Variants in RPRD1B observed in about 807,000 individuals in gnomAD.
RPRD1B encodes the protein regulation of nuclear pre-mRNA domain-containing protein 1B.
Under a neutral mutation model 41.5 loss-of-function variants are expected in RPRD1B, and 11 were observed. The ratio of observed to expected loss-of-function variants is 0.27; its 90% CI spans 0.17 to 0.44. The LOEUF is 0.44. Ranked by LOEUF, RPRD1B falls within the 20% of genes least tolerant of loss-of-function variation. The pLI, the probability that RPRD1B is intolerant of heterozygous loss-of-function variation, is 1.00. For synonymous variants in RPRD1B, 158 were observed against 155.6 expected, an observed-to-expected ratio of 1.02 and a Z score of -0.12; for missense variants, 248 against 389.9, an observed-to-expected ratio of 0.64 and a Z score of 3.06.
intron 1 of RPRD1B, among the ~76,000 whole-genome samples, chr20:38,035,507 T>C (rs879633469): frequency 3.9e-5 from 6 of 152,232 alleles, no homozygotes; most frequent in Non-Finnish European, 8.8e-5. Flanking sequence ...ATGATTTTTT[T>C]CAGGAGACCC....
At chr20:38,055,404 T>C (rs2074229227) in intron 3 of RPRD1B, among the ~76,000 whole-genome samples, 1 of 152,244 alleles carries the variant, frequency 6.6e-6, no homozygotes, top group Non-Finnish European at 1.5e-5. Flanking sequence ...TTTTATCTTT[T>C]ATGCTTTCAG....
chr20:38,090,846 G>T lies in RPRD1B; in HGVS notation c.*971G>T. 3 of 985,450 alleles carry T rather than the reference G, an allele frequency of 3.0e-6. No individual in the cohort carries two copies. The highest frequency in any genetic ancestry group is 3.6e-6 in the Non-Finnish European group (3 of 829,964). 61.0% of individuals were successfully genotyped at this position (985,450 alleles called of 1,614,324 possible). On this transcript the variant is annotated 3_prime_UTR_variant, in exon 7 of 7. Coordinates refer to ENST00000373433, the MANE Select transcript of RPRD1B (RefSeq NM_021215.4). ...CTGGGTGCATGTCCACAGTACGGTG[G>T]CTAAACTCGAACATCACTGCAAATA...
rs2074607926 is a variant in RPRD1B, at chr20:38,091,048, CTATA to C, written c.*1176_*1179del. ...ATTATCATGTCAGCTGACATTATGA[CTATA>C]TAATGTAGTTAGAGACAATTTTTAT... On this transcript the variant is annotated 3_prime_UTR_variant, in exon 7 of 7. Transcript: ENST00000373433. The C allele has an allele frequency of 1.0e-6, 1 of 982,654 alleles. No homozygotes were observed. Among genetic ancestry groups the C allele is most frequent in the Non-Finnish European group, 1.2e-6 (1 of 827,222 alleles). The allele number at this position is 982,654 out of a possible 1,614,324, so 60.9% of individuals were successfully genotyped here. A position where few individuals can be genotyped will look rare whatever the true frequency, so the allele number is the denominator to read the frequency against.
chr20:38,091,467 A>C lies in RPRD1B; in HGVS notation c.*1592A>C. ...CCTAGTAGTGTTTGAGCTGTTATTC[A>C]GATTTGAATTCAGACTGTGTGTTGT... On this transcript the variant is annotated 3_prime_UTR_variant, in exon 7 of 7. Transcript: ENST00000373433. 1 of 985,458 alleles carries C rather than the reference A, an allele frequency of 1.0e-6. No individual in the cohort carries two copies. Among genetic ancestry groups the C allele is most frequent in the Non-Finnish European group, 1.2e-6 (1 of 829,942 alleles). The allele number at this position is 985,458 out of a possible 1,614,324, so 61.0% of individuals were successfully genotyped here.
At chr20:38,048,326 T>A (rs990870920) in intron 2 of RPRD1B, 22 bp from the exon 3 acceptor site, 3 of 1,605,544 alleles carry the variant, frequency 1.9e-6, no homozygotes. Context: ...CTTATATATA[T>A]CTTTTCATCT....
intron 3 of RPRD1B, among the ~76,000 whole-genome samples, chr20:38,055,717 G>A (rs963628273): frequency 2.0e-5 from 3 of 152,018 alleles, no homozygotes; most frequent in Non-Finnish European, 4.4e-5. Context: ...TCTTCTGATC[G>A]TTCATTTTTA....
intron 3 of RPRD1B, among the ~76,000 whole-genome samples, chr20:38,054,359 G>T (rs538017319): frequency 3.3e-5 from 5 of 152,176 alleles, no homozygotes; most frequent in Non-Finnish European, 7.3e-5. Context: ...ATAGGGTAAT[G>T]GTTAACACCT....
In RPRD1B at chr20:38,090,120, C is replaced by A; in HGVS notation, c.*245C>A. The A allele has an allele frequency of 8.3e-7, 1 of 1,211,414 alleles. No homozygotes were observed. The highest frequency in any genetic ancestry group is 3.9e-5 in the Admixed American group (1 of 25,824). 75.0% of individuals were successfully genotyped at this position (1,211,414 alleles called of 1,614,324 possible). On this transcript the variant is annotated 3_prime_UTR_variant, in exon 7 of 7. Transcript: ENST00000373433. ...AGACTACAGACTTTTTCTCCCACTTCATATTTTCATGCCCCCCTGTTGGTT... is the reference window on the plus strand; with the variant it reads ...AGACTACAGACTTTTTCTCCCACTTAATATTTTCATGCCCCCCTGTTGGTT...
intron 2 of RPRD1B, among the ~76,000 whole-genome samples, chr20:38,047,741 T>A (rs138560350): frequency 6.6e-6 from 1 of 152,160 alleles, no homozygotes; most frequent in Non-Finnish European, 1.5e-5. Context: ...TGATATAAAT[T>A]ATGAAGGACT....
chr20:38,091,746 C>T lies in RPRD1B; in HGVS notation c.*1871C>T, dbSNP rs1282075725. The T allele has an allele frequency of 1.0e-6, 1 of 985,546 alleles. No homozygotes were observed. The highest frequency in any genetic ancestry group is 1.2e-6 in the Non-Finnish European group (1 of 829,924). 61.1% of individuals were successfully genotyped at this position (985,546 alleles called of 1,614,324 possible). On this transcript the variant is annotated 3_prime_UTR_variant, in exon 7 of 7. Coordinates refer to ENST00000373433, the MANE Select transcript of RPRD1B (RefSeq NM_021215.4). ...GCGATCTGAGCAGCCACAATCCAGCCAAAAGAGGATCGTAGATATTTGCTC... is the reference window on the plus strand; with the variant it reads ...GCGATCTGAGCAGCCACAATCCAGCTAAAAGAGGATCGTAGATATTTGCTC...
intron 6 of RPRD1B, among the ~76,000 whole-genome samples, chr20:38,086,534 T>G (rs907110760): frequency 1.3e-5 from 2 of 152,330 alleles, no homozygotes; most frequent in East Asian, 3.9e-4. Flanking sequence ...AGACAGGGTC[T>G]CTATTTCCCA....
rs2074604254 is a variant in RPRD1B, at chr20:38,090,622, C to G, written c.*747C>G. On this transcript the variant is annotated 3_prime_UTR_variant, in exon 7 of 7. Coordinates refer to ENST00000373433, the MANE Select transcript of RPRD1B (RefSeq NM_021215.4). ...ACAACCTTCCCATGCTGCACTTCTC[C>G]ACTGTCGGAGCACGTTCCGAAAAAC... 1.0e-6 allele frequency: 1 copy of G among 985,362 alleles called. No individual in the cohort carries two copies. Among genetic ancestry groups the G allele is most frequent in the African/African-American group, 1.7e-5 (1 of 57,248 alleles). The allele number at this position is 985,362 out of a possible 1,614,324, so 61.0% of individuals were successfully genotyped here. A position where few individuals can be genotyped will look rare whatever the true frequency, so the allele number is the denominator to read the frequency against.
At chr20:38,050,016 G>A (rs2074169078) in intron 3 of RPRD1B, among the ~76,000 whole-genome samples, 2 of 152,172 alleles carry the variant, frequency 1.3e-5, no homozygotes, top group African/African-American at 2.4e-5. Context: ...ACTGTGTGAT[G>A]AACTCATTCT....
intron 2 of RPRD1B, among the ~76,000 whole-genome samples, chr20:38,043,505 T>G (rs903200933): frequency 1.3e-5 from 2 of 152,022 alleles, no homozygotes; most frequent in Non-Finnish European, 2.9e-5. Context: ...AAAACATCCC[T>G]CTTTAAAAAT....
At chr20:38,042,048 A>T (rs1396175665) in intron 2 of RPRD1B, among the ~76,000 whole-genome samples, 1 of 152,222 alleles carries the variant, frequency 6.6e-6, no homozygotes, top group Admixed American at 6.5e-5. Flanking sequence ...TATTTGTTAA[A>T]TGAGTTAATT....
In RPRD1B at chr20:38,090,822, TGG is replaced by T; in HGVS notation, c.*949_*950del. 5 of 985,498 alleles carry T rather than the reference TGG, an allele frequency of 5.1e-6. No individual in the cohort carries two copies. The highest frequency in any genetic ancestry group is 6.0e-6 in the Non-Finnish European group (5 of 829,960). The allele number at this position is 985,498 out of a possible 1,614,324, so 61.0% of individuals were successfully genotyped here. A position where few individuals can be genotyped will look rare whatever the true frequency, so the allele number is the denominator to read the frequency against. On this transcript the variant is annotated 3_prime_UTR_variant, in exon 7 of 7. Coordinates refer to ENST00000373433, the MANE Select transcript of RPRD1B (RefSeq NM_021215.4). Reference sequence around the variant, plus strand: ...ACACACTAACGTTTAATCCGCTGTCTGGGTGCATGTCCACAGTACGGTGGCTA... The same window carrying T: ...ACACACTAACGTTTAATCCGCTGTCTGTGCATGTCCACAGTACGGTGGCTA...
chr20:38,046,278 G>A (rs909020832), intron 2 of RPRD1B, among the ~76,000 whole-genome samples: 1 of 152,154 alleles, frequency 6.6e-6, no homozygotes, highest in African/African-American at 2.4e-5. Context: ...AACCTTCATT[G>A]GTCGAGCTGA....
chr20:38,089,766 A>G lies in RPRD1B; in HGVS notation c.872A>G (p.Lys291Arg). Residue 291 changes from lysine (K) to arginine (R), a missense_variant, in exon 7 of 7, where the codon AAG becomes AGG. Lys to Arg is a conservative substitution (Grantham distance 26, BLOSUM62 2). This residue lies in a region of RPRD1B where 93 missense variants were observed against 167.2 expected (regional missense o/e 0.56). Coordinates refer to ENST00000373433, the MANE Select transcript of RPRD1B (RefSeq NM_021215.4). ...QKLARVTQVRKELKSHIQSLP... is the reference protein window; with the variant it reads ...QKLARVTQVRRELKSHIQSLP... ...CTTGCACGAGTAACCCAGGTCCGCA[A>G]GGAACTGAAATCCCATATTCAGAGC... is the stretch of plus-strand genomic sequence containing the variant. 6.2e-7 allele frequency: 1 copy of G among 1,614,214 alleles called. No individual in the cohort carries two copies. Among genetic ancestry groups the G allele is most frequent in the Non-Finnish European group, 8.5e-7 (1 of 1,180,032 alleles).
At chr20:38,064,985 C>CA (rs35993264) in intron 5 of RPRD1B, among the ~76,000 whole-genome samples, 2,770 of 109,206 alleles carry the variant, frequency 0.025, 72 homozygotes, top group African/African-American at 0.082. Flanking sequence ...GACACCATCT[C>CA]AAAAAAAAAA....
Sources: allele counts gnomAD v4.1 joint callset (sites outside exome capture counted in the v4.1 genomes callset), GRCh38; gene constraint gnomAD v4.1.1; regional missense constraint gnomAD v4.1.1; transcripts MANE v1.5; gene names NCBI Gene and HGNC (gene_info 2026-07-23, HGNC 2026-07-21).